Variants in NBAS observed in about 807,000 individuals in gnomAD.
NBAS encodes the protein NAG/BC035112 fusion.
Under a neutral mutation model 302.5 loss-of-function variants are expected in NBAS, and 219 were observed. The observed-to-expected ratio is 0.72, with a 90% CI of 0.65 to 0.81. The LOEUF (loss-of-function observed/expected upper bound fraction) is 0.81, where lower values mean the gene tolerates loss of function less well. NBAS is among the 30% of genes least tolerant of loss of function. The probability of loss-of-function intolerance (pLI) is 0.00; values close to 1 mark genes in which losing one functional copy is unlikely to be tolerated. For synonymous variants in NBAS, 1,118 were observed against 1,021.6 expected (o/e 1.09, Z -1.80); for missense variants, 2,932 against 2,841.6 (o/e 1.03, Z -0.72).
At chr2:15,549,931 C>A (rs1664297712) in intron 6 of NBAS, among the ~76,000 whole-genome samples, 1 of 151,772 alleles carries the variant, frequency 6.6e-6, no homozygotes, top group African/African-American at 2.4e-5. Flanking sequence ...GGCAGGAGAA[C>A]TGCTTGAGCC....
At chr2:15,208,784 A>G (rs1042440070) in intron 48 of NBAS, among the ~76,000 whole-genome samples, 1 of 152,330 alleles carries the variant, frequency 6.6e-6, no homozygotes, top group Middle Eastern at 3.4e-3. Context: ...CGAAACCTAT[A>G]GGTTACTGTA....
intron 48 of NBAS, among the ~76,000 whole-genome samples, chr2:15,199,859 C>T (rs1665793835): frequency 6.6e-6 from 1 of 150,514 alleles, no homozygotes; most frequent in Non-Finnish European, 1.5e-5. Flanking sequence ...ACATTATCAA[C>T]CACATAATGT....
chr2:14,816,938 C>T, the NBAS span, among the ~76,000 whole-genome samples: 13 of 152,146 alleles, frequency 8.5e-5, no homozygotes, highest in South Asian at 2.1e-4. Flanking sequence ...CTTCTTCCCA[C>T]GCCTGAATGA....
intron 34 of NBAS, among the ~76,000 whole-genome samples, 173 bp from the exon 35 acceptor site, chr2:15,352,254 C>A (rs1028205483): frequency 6.6e-6 from 1 of 151,940 alleles, no homozygotes; most frequent in Non-Finnish European, 1.5e-5. Context: ...CAAAAGGATG[C>A]AATGGTTTCA....
the NBAS span, among the ~76,000 whole-genome samples, chr2:15,063,772 T>C: frequency 6.6e-6 from 1 of 152,216 alleles, no homozygotes; most frequent in Non-Finnish European, 1.5e-5. Flanking sequence ...GGTGGCCATC[T>C]GAGAGCCAAG....
intron 21 of NBAS, among the ~76,000 whole-genome samples, chr2:15,433,331 GA>G (rs113738240): frequency 5.3e-5 from 8 of 152,242 alleles, no homozygotes; most frequent in South Asian, 4.1e-4. Flanking sequence ...TGGATTAGGA[GA>G]AAATCAGATT....
chr2:15,557,379 T>A (rs568249650), intron 2 of NBAS, among the ~76,000 whole-genome samples: 222 of 152,262 alleles, frequency 1.5e-3, no homozygotes, highest in Non-Finnish European at 2.7e-3. Flanking sequence ...AATAACAGAT[T>A]CTCTCTAGGT....
intron 28 of NBAS, among the ~76,000 whole-genome samples, chr2:15,391,461 A>G (rs528214097): frequency 5.3e-5 from 8 of 152,236 alleles, no homozygotes; most frequent in African/African-American, 1.7e-4. Flanking sequence ...TGGACTTTAA[A>G]AAACAGCGAT....
intron 27 of NBAS, among the ~76,000 whole-genome samples, chr2:15,395,924 T>A (rs534417220): frequency 2.0e-5 from 3 of 152,220 alleles, no homozygotes. Flanking sequence ...ATTCCTCCAG[T>A]GTTGCATGAG....
At chr2:14,916,855 T>C in the NBAS span, among the ~76,000 whole-genome samples, 1 of 152,218 alleles carries the variant, frequency 6.6e-6, no homozygotes, top group Non-Finnish European at 1.5e-5. Context: ...TGCACAATGT[T>C]TGTTCTGTTC....
chr2:15,178,070 C>A (rs1664634473), intron 51 of NBAS: 1 of 448,202 alleles, frequency 2.2e-6, no homozygotes, highest in Non-Finnish European at 4.6e-6. Context: ...TCAGTGATGT[C>A]TTTTCATCAA....
At chr2:15,083,662 T>C in the NBAS span, among the ~76,000 whole-genome samples, 1 of 152,228 alleles carries the variant, frequency 6.6e-6, no homozygotes, top group Non-Finnish European at 1.5e-5. Flanking sequence ...TCCTTTTCAA[T>C]TATCACAACA....
the NBAS span, among the ~76,000 whole-genome samples, chr2:15,119,076 G>A: frequency 6.6e-6 from 1 of 152,058 alleles, no homozygotes; most frequent in African/African-American, 2.4e-5. Context: ...GGAAGGGTGA[G>A]AACCATCCCA....
chr2:15,378,368 G>A (rs544699019), intron 30 of NBAS, among the ~76,000 whole-genome samples: 1 of 152,302 alleles, frequency 6.6e-6, no homozygotes, highest in Admixed American at 6.5e-5. Flanking sequence ...ACTAGACACT[G>A]CAAACGAGAG....
intron 10 of NBAS, among the ~76,000 whole-genome samples, chr2:15,507,489 C>T (rs1371563619): frequency 7.2e-5 from 11 of 152,174 alleles, no homozygotes; most frequent in Admixed American, 7.2e-4. Context: ...ATCTTAAAAA[C>T]TCAGACAACA....
At chr2:15,428,597 G>A (rs1677595596) in intron 21 of NBAS, among the ~76,000 whole-genome samples, 1 of 152,148 alleles carries the variant, frequency 6.6e-6, no homozygotes, top group Non-Finnish European at 1.5e-5. Context: ...AGGTGTGGTG[G>A]TGGCATGCCT....
chr2:14,931,104 T>TAACAAGAACTTAACAA, the NBAS span, among the ~76,000 whole-genome samples: 7 of 152,182 alleles, frequency 4.6e-5, no homozygotes, highest in South Asian at 2.1e-4. Context: ...CTAACAAGAA[T>TAACAAGAACTTAACAA]GTTAAGGAAC....
intron 40 of NBAS, among the ~76,000 whole-genome samples, chr2:15,307,392 T>G (rs1671077980): frequency 6.6e-6 from 1 of 152,152 alleles, no homozygotes; most frequent in Non-Finnish European, 1.5e-5. Context: ...ATAAAGTAAT[T>G]TACTCAGGGA....
the NBAS span, among the ~76,000 whole-genome samples, chr2:14,893,283 T>C: frequency 6.6e-6 from 1 of 152,198 alleles, no homozygotes; most frequent in South Asian, 2.1e-4. Flanking sequence ...ATCTAATTTT[T>C]TTGTCTTTTC....
Sources: gnomAD v4.1 joint callset for allele counts (sites outside exome capture counted in the v4.1 genomes callset) on GRCh38, gnomAD v4.1.1 for gene constraint, MANE v1.5 for transcripts, NCBI Gene and HGNC (gene_info 2026-07-23, HGNC 2026-07-21) for gene names.